The following SELENOH variants were observed in gnomAD, a reference collection of about 807,000 sequenced individuals.
The protein encoded by SELENOH is chromosome 11 open reading frame 31.
In SELENOH, 13 loss-of-function variants were observed where a neutral mutation model predicts 11.9. That is an observed-to-expected ratio of 1.09 (90% CI 0.71 to 1.74). The LOEUF (loss-of-function observed/expected upper bound fraction) is 1.74. Ranked by LOEUF, SELENOH falls within the 40% of genes most tolerant of loss-of-function variation. The pLI is 0.00. For missense variants in SELENOH, 223 were observed against 170.3 expected (o/e 1.31, Z -1.72); for synonymous variants, 96 against 73.5 (o/e 1.31, Z -1.56).
rs750669116 is a variant in SELENOH at position 57,741,605 on chromosome 11, C to G, written c.10C>G (p.Arg4Gly). The change falls in exon 1 of 4, where the codon CGC (arginine) becomes GGC (glycine). Residue 4 changes from arginine to glycine, a missense_variant. Coordinates refer to ENST00000534355, the MANE Select transcript of SELENOH (RefSeq NM_170746.4). ...CCGGGCTCTAGGCGCCATGGCTCCC[C>G]GCGGGAGGAAGCGTAAGGCTGAGGC... MAP[R>G]GRKRKAEAAV... 1.6e-6 allele frequency: 2 copies of G among 1,272,896 alleles called. No individual in the cohort carries two copies. The highest frequency in any genetic ancestry group is 6.0e-5 in the East Asian group (2 of 33,210). 78.9% of individuals were successfully genotyped at this position (1,272,896 alleles called of 1,614,324 possible).
chr11:57,742,262 G>A lies in SELENOH; in HGVS notation c.*30+15G>A, dbSNP rs1194376585. On this transcript the variant is annotated intron_variant, in intron 3 of 3. Coordinates refer to ENST00000534355, the MANE Select transcript of SELENOH (RefSeq NM_170746.4). ...CTCATGCTGAGGTTTGAAATGGGAA[G>A]TGGGGGGCGCGACCGCTGTTGAGGA... 1.3e-6 allele frequency: 2 copies of A among 1,527,830 alleles called. No homozygotes were observed. The highest frequency in any genetic ancestry group is 1.8e-6 in the Non-Finnish European group (2 of 1,118,952). 94.6% of individuals were successfully genotyped at this position (1,527,830 alleles called of 1,614,324 possible).
Position 57,742,214 on chromosome 11 carries a change from G to T in SELENOH, c.366G>T (p.Ser122=), listed in dbSNP as rs373869913. The change falls in exon 3 of 4, where the codon TCG becomes TCT. Residue 122 remains serine (S), a synonymous_variant. Transcript: ENST00000534355. ...TGGAAGAGTTGAAGAAGTACCTGTC[G>T]TAGGGAGATTTGGGTAGAAGCCCTC... The part of the protein sequence containing the change: ...EVVEELKKYL[S] The T allele has an allele frequency of 1.7e-5, 27 of 1,607,226 alleles. No homozygotes were observed. The highest frequency in any genetic ancestry group is 5.3e-5 in the African/African-American group (4 of 74,814).
intron 1 of SELENOH, 45 bp from the exon 2 acceptor site, chr11:57,741,764 G>C (rs756702621): frequency 5.6e-6 from 9 of 1,600,384 alleles, no homozygotes; most frequent in East Asian, 4.5e-5. Flanking sequence ...GTGGCGCCGG[G>C]GGGGGCCAGG....
In SELENOH at chr11:57,741,932, G is replaced by A; in HGVS notation, c.246G>A (p.Thr82=). ...CCCGGAGGGGCAGCTTCGAGGTGACGCTGCTGCGCCCGGACGGCAGCAGTA... is the reference window on the plus strand; with the variant it reads ...CCCGGAGGGGCAGCTTCGAGGTGACACTGCTGCGCCCGGACGGCAGCAGTA... ...TKPRRGSFEV[T]LLRPDGSSAE... is the part of the protein sequence containing the mutation. Residue 82 remains threonine, a synonymous_variant, in exon 2 of 4, where the codon ACG becomes ACA. Transcript: ENST00000534355. 1 of 1,589,636 alleles carries A rather than the reference G, an allele frequency of 6.3e-7. No homozygotes were observed. The highest frequency in any genetic ancestry group is 8.5e-7 in the Non-Finnish European group (1 of 1,172,606).
chr11:57,742,315 A>ACCCACAC (rs1949105359), intron 3 of SELENOH, 68 bp downstream of exon 3: 1 of 1,192,118 alleles, frequency 8.4e-7, no homozygotes, highest in Non-Finnish European at 1.2e-6. Context: ...TGGTGTGGCT[A>ACCCACAC]CAAGTACCCA....
Position 57,741,541 on chromosome 11 carries a change from G to C in SELENOH, c.-55G>C. 8.1e-7 allele frequency: 1 copy of C among 1,236,856 alleles called. No individual in the cohort carries two copies. Among genetic ancestry groups the C allele is most frequent in the Non-Finnish European group, 1.0e-6 (1 of 983,646 alleles). The allele number at this position is 1,236,856 out of a possible 1,614,324, so 76.6% of individuals were successfully genotyped here. A position where few individuals can be genotyped will look rare whatever the true frequency, so the allele number is the denominator to read the frequency against. The stretch of plus-strand genomic sequence containing the variant: ...TGCCCAGTTTCCGCTCAGTGGTCGC[G>C]TCTCCGCCCCCCACCCACCAGTCCC... On this transcript the variant is annotated 5_prime_UTR_variant, in exon 1 of 4. Coordinates refer to ENST00000534355, the MANE Select transcript of SELENOH (RefSeq NM_170746.4).
At chr11:57,742,071 C>G (rs762154867) in intron 2 of SELENOH, 46 bp from the exon 3 acceptor site, 5 of 1,590,896 alleles carry the variant, frequency 3.1e-6, no homozygotes, top group Admixed American at 1.8e-5. Flanking sequence ...GAGACGTGCT[C>G]GTGGGTTCCG....
intron 3 of SELENOH, 83 bp downstream of exon 3, chr11:57,742,330 G>A (rs1031694405): frequency 9.8e-7 from 1 of 1,023,540 alleles, no homozygotes; most frequent in Non-Finnish European, 1.5e-6. Flanking sequence ...TACCCACCTG[G>A]CGTGGGTAGC....
At chr11:57,741,756 G>A in intron 1 of SELENOH, 39 bp downstream of exon 1, 2 of 1,598,410 alleles carry the variant, frequency 1.3e-6, no homozygotes, top group Non-Finnish European at 1.7e-6. Flanking sequence ...AGGGAACAGT[G>A]GCGCCGGGGG....
chr11:57,741,615 A>G lies in SELENOH; in HGVS notation c.20A>G (p.Lys7Arg), dbSNP rs911960997. The change falls in exon 1 of 4, where the codon AAG becomes AGG. Residue 7 changes from lysine (K) to arginine (R), a missense_variant. Physicochemically the swap from Lys to Arg is conservative, Grantham distance 26. Coordinates refer to ENST00000534355, the MANE Select transcript of SELENOH (RefSeq NM_170746.4). ...GGCGCCATGGCTCCCCGCGGGAGGA[A>G]GCGTAAGGCTGAGGCCGCGGTGGTC... is the stretch of plus-strand genomic sequence containing the variant. MAPRGRKRKAEAAVVAV... is the reference protein window; with the variant it reads MAPRGRRRKAEAAVVAV... 21 of 1,276,502 alleles carry G rather than the reference A, an allele frequency of 1.6e-5. No individual in the cohort carries two copies. The highest frequency in any genetic ancestry group is 3.4e-5 in the South Asian group (1 of 29,388). The allele number at this position is 1,276,502 out of a possible 1,614,324, so 79.1% of individuals were successfully genotyped here. A position where few individuals can be genotyped will look rare whatever the true frequency, so the allele number is the denominator to read the frequency against.
Position 57,741,723 on chromosome 11 carries a change from G to A in SELENOH, c.122+6G>A, listed in dbSNP as rs1193676262. The A allele has an allele frequency of 4.4e-6, 7 of 1,581,940 alleles. No individual in the cohort carries two copies. The highest frequency in any genetic ancestry group is 6.0e-6 in the Non-Finnish European group (7 of 1,168,806). ...ACCGTTGTTATCGAGCATTGGTGAG[G>A]GGCCTGGAGAGTAACGGGAGAGAGG... On this transcript the variant is annotated splice_donor_region_variant and intron_variant, in intron 1 of 3. Coordinates refer to ENST00000534355, the MANE Select transcript of SELENOH (RefSeq NM_170746.4).
chr11:57,742,470 G>T (rs1218280274), intron 3 of SELENOH: 9 of 482,206 alleles, frequency 1.9e-5, no homozygotes, highest in African/African-American at 1.7e-4. Context: ...GCCCTAAGTG[G>T]AATTTATGTC....
intron 1 of SELENOH, 38 bp downstream of exon 1, chr11:57,741,755 T>G: frequency 6.3e-7 from 1 of 1,598,540 alleles, no homozygotes; most frequent in East Asian, 2.2e-5. Context: ...GAGGGAACAG[T>G]GGCGCCGGGG....
Position 57,741,601 on chromosome 11 carries a change from TC to T in SELENOH, c.10del (p.Arg4AlafsTer14). 7.9e-7 allele frequency: 1 copy of T among 1,269,566 alleles called. No homozygotes were observed. 78.6% of individuals were successfully genotyped at this position (1,269,566 alleles called of 1,614,324 possible). A position where few individuals can be genotyped will look rare whatever the true frequency, so the allele number is the denominator to read the frequency against. On this transcript the variant is annotated frameshift_variant, in exon 1 of 4. Coordinates refer to ENST00000534355, the MANE Select transcript of SELENOH (RefSeq NM_170746.4). LOFTEE classifies it high-confidence loss of function. ...TCGGCCGGGCTCTAGGCGCCATGGC[TC>T]CCCGCGGGAGGAAGCGTAAGGCTGA... MA[P>X]RGRKRKAEAA...
At chr11:57,742,375 G>A (rs1423738957) in intron 3 of SELENOH, 128 bp downstream of exon 3, 1 of 669,034 alleles carries the variant, frequency 1.5e-6, no homozygotes. Flanking sequence ...GGGAGGTCGA[G>A]GCAGGAGTGG....
intron 2 of SELENOH, 50 bp from the exon 3 acceptor site, chr11:57,742,067 T>C (rs771676224): frequency 3.8e-6 from 6 of 1,589,916 alleles, no homozygotes; most frequent in Middle Eastern, 1.7e-4. Context: ...TTCAGAGACG[T>C]GCTCGTGGGT....
intron 1 of SELENOH, 27 bp downstream of exon 1, chr11:57,741,744 A>G: frequency 6.3e-7 from 1 of 1,597,490 alleles, no homozygotes; most frequent in Non-Finnish European, 8.5e-7. Context: ...GTAACGGGAG[A>G]GAGGGAACAG....
chr11:57,742,331 C>G (rs956209527), intron 3 of SELENOH, 84 bp downstream of exon 3: 1 of 1,017,894 alleles, frequency 9.8e-7, no homozygotes, highest in Non-Finnish European at 1.5e-6. Context: ...ACCCACCTGG[C>G]GTGGGTAGCT....
chr11:57,741,900 A>T lies in SELENOH; in HGVS notation c.214A>T (p.Thr72Ser). 1 of 1,594,328 alleles carries T rather than the reference A, an allele frequency of 6.3e-7. No individual in the cohort carries two copies. The highest frequency in any genetic ancestry group is 8.5e-7 in the Non-Finnish European group (1 of 1,174,754). Reference protein sequence around the residue: ...APELPVKVNPTKPRRGSFEVT... With the variant: ...APELPVKVNPSKPRRGSFEVT... The stretch of plus-strand genomic sequence containing the variant: ...AGAGCTTCCAGTAAAGGTGAACCCG[A>T]CGAAGCCCCGGAGGGGCAGCTTCGA... Residue 72 changes from threonine (T) to serine (S), a missense_variant, in exon 2 of 4, where the codon ACG (threonine) becomes TCG (serine). By Grantham distance (58) the Thr-to-Ser change is moderately conservative. Coordinates refer to ENST00000534355, the MANE Select transcript of SELENOH (RefSeq NM_170746.4).
Sources: gnomAD v4.1 joint callset for allele counts on GRCh38, gnomAD v4.1.1 for gene constraint, MANE v1.5 for transcripts, NCBI Gene and HGNC (gene_info 2026-07-23, HGNC 2026-07-21) for gene names.